TRPM3: variants seen among roughly 807,000 people sequenced by gnomAD.
TRPM3 encodes long transient receptor potential channel 3.
Under a neutral mutation model 181.2 loss-of-function variants are expected in TRPM3, and 77 were observed. The observed-to-expected ratio is 0.42, with a 90% CI of 0.35 to 0.51. The LOEUF is 0.51. Among genes scored for constraint, TRPM3 ranks in the 20% least tolerant of loss-of-function variants. The pLI is 0.01. For synonymous variants in TRPM3, 745 were observed against 796.4 expected (o/e 0.94, Z 1.09); for missense variants, 1,759 against 2,196.7 (o/e 0.80, Z 3.98).
Position 70,913,711 on chromosome 9 carries a change from AT to A in TRPM3, c.178-49201del, listed in dbSNP as rs531675543. Among the ~76,000 whole-genome samples the A allele has an allele frequency of 5.6e-3, 851 of 151,734 alleles. 5 individuals are homozygous for A. Among genetic ancestry groups the A allele is most frequent in the African/African-American group, 0.02 (812 of 41,382 alleles). Reference sequence around the variant, plus strand: ...CAGACTGGACTTGACTAATGGATGAATTTTTTTTTGTCTTAAATCTATATTT... The same window carrying A: ...CAGACTGGACTTGACTAATGGATGAATTTTTTTTGTCTTAAATCTATATTT... On this transcript the variant is annotated intron_variant, in intron 1 of 25. Transcript: ENST00000677713.
intron 5 of TRPM3, among the ~76,000 whole-genome samples, chr9:70,833,006 T>G (rs149027148): frequency 1.5e-3 from 232 of 152,324 alleles, no homozygotes; most frequent in African/African-American, 5.3e-3. Flanking sequence ...CAAAACAGAT[T>G]CATTGAAAGA....
intron 1 of TRPM3, among the ~76,000 whole-genome samples, chr9:70,867,312 A>G (rs1363519150): frequency 1.3e-5 from 2 of 152,096 alleles, no homozygotes; most frequent in African/African-American, 4.8e-5. Flanking sequence ...GAGACTTTTC[A>G]AGGACACCTT....
chr9:71,110,511 G>A (rs2070832218), intron 1 of TRPM3, among the ~76,000 whole-genome samples: 1 of 152,156 alleles, frequency 6.6e-6, no homozygotes, highest in South Asian at 2.1e-4. Context: ...GGCAGTAGAG[G>A]CTGCATGACG....
At chr9:71,173,203 T>C (rs577273275) in intron 1 of TRPM3, among the ~76,000 whole-genome samples, 1 of 152,326 alleles carries the variant, frequency 6.6e-6, no homozygotes. Context: ...CATGAATGTA[T>C]GTTAATGATA....
intron 1 of TRPM3, among the ~76,000 whole-genome samples, chr9:71,012,419 T>TA (rs398046568): frequency 6.6e-6 from 1 of 151,788 alleles, no homozygotes; most frequent in Non-Finnish European, 1.5e-5. Flanking sequence ...TTTTTTTTTT[T>TA]AACATCTGGC....
At chr9:70,744,035 T>C (rs1409860524) in intron 8 of TRPM3, among the ~76,000 whole-genome samples, 3 of 151,906 alleles carry the variant, frequency 2.0e-5, no homozygotes, top group African/African-American at 4.8e-5. Context: ...GCTAGTGGGA[T>C]TGAAAATCAA....
At chr9:71,172,607 T>G (rs1472507883) in intron 1 of TRPM3, among the ~76,000 whole-genome samples, 2 of 152,134 alleles carry the variant, frequency 1.3e-5, no homozygotes, top group African/African-American at 4.8e-5. Flanking sequence ...AGTCTCACTC[T>G]GTTGCCTAGG....
chr9:71,161,370 A>C (rs1312189367), intron 1 of TRPM3, among the ~76,000 whole-genome samples: 2 of 152,138 alleles, frequency 1.3e-5, no homozygotes, highest in Admixed American at 6.6e-5. Flanking sequence ...TTAGAGATCT[A>C]TGACGCCCTG....
intron 1 of TRPM3, among the ~76,000 whole-genome samples, chr9:71,252,215 T>C (rs1215053007): frequency 6.6e-6 from 1 of 152,200 alleles, no homozygotes; most frequent in Non-Finnish European, 1.5e-5. Flanking sequence ...TTTAACTTTT[T>C]TTTTTTAGGT....
chr9:70,629,303 A>T (rs1319116354), intron 12 of TRPM3, among the ~76,000 whole-genome samples: 1 of 137,194 alleles, frequency 7.3e-6, no homozygotes, highest in Non-Finnish European at 1.5e-5. Flanking sequence ...CCTTCCCAGC[A>T]GCATTTTCCT....
intron 1 of TRPM3, among the ~76,000 whole-genome samples, chr9:71,193,630 A>C (rs932393609): frequency 5.9e-5 from 9 of 151,912 alleles, no homozygotes; most frequent in Non-Finnish European, 7.4e-5. Flanking sequence ...ACAAAATCTT[A>C]CTATTACTTC....
chr9:70,672,020 T>G (rs2063054923), intron 9 of TRPM3, among the ~76,000 whole-genome samples: 1 of 151,758 alleles, frequency 6.6e-6, no homozygotes, highest in Non-Finnish European at 1.5e-5. Flanking sequence ...TCTGCCTGCC[T>G]CGGCCTCCCA....
At chr9:71,434,368 A>C (rs1220255553) in intron 1 of TRPM3, among the ~76,000 whole-genome samples, 1 of 152,150 alleles carries the variant, frequency 6.6e-6, no homozygotes, top group Admixed American at 6.6e-5. Context: ...ACAGCAAAAG[A>C]CAGCCACCTA....
chr9:70,817,333 G>A (rs1050664743), intron 6 of TRPM3, among the ~76,000 whole-genome samples: 1 of 152,196 alleles, frequency 6.6e-6, no homozygotes, highest in African/African-American at 2.4e-5. Flanking sequence ...TGGCCAGAAT[G>A]TAGATGTGAC....
intron 22 of TRPM3, among the ~76,000 whole-genome samples, chr9:70,563,052 T>A (rs961660409): frequency 6.6e-6 from 1 of 152,224 alleles, no homozygotes; most frequent in Non-Finnish European, 1.5e-5. Context: ...GTGAATGGAA[T>A]GTTAGCAAAT....
intron 6 of TRPM3, among the ~76,000 whole-genome samples, chr9:70,796,954 T>A (rs2087226919): frequency 6.6e-6 from 1 of 151,782 alleles, no homozygotes; most frequent in Non-Finnish European, 1.5e-5. Context: ...CATAGGGAGA[T>A]CTTGTCTCTA....
chr9:71,225,002 C>T (rs1455981633), intron 1 of TRPM3, among the ~76,000 whole-genome samples: 1 of 151,952 alleles, frequency 6.6e-6, no homozygotes, highest in Non-Finnish European at 1.5e-5. Context: ...AGTTATTGGC[C>T]TTAAAGAGGA....
intron 1 of TRPM3, among the ~76,000 whole-genome samples, chr9:71,181,076 G>GA (rs2077375472): frequency 6.6e-6 from 1 of 152,072 alleles, no homozygotes; most frequent in Non-Finnish European, 1.5e-5. Flanking sequence ...TTCACGAGTT[G>GA]AATTCATTTC....
At chr9:70,980,097 G>T in intron 1 of TRPM3, among the ~76,000 whole-genome samples, 1 of 9,116 alleles carries the variant, frequency 1.1e-4, no homozygotes, top group Non-Finnish European at 2.4e-4. Context: ...ACACACACAC[G>T]GAGTACACTA....
Sources: allele counts gnomAD v4.1 joint callset (sites outside exome capture counted in the v4.1 genomes callset), GRCh38; gene constraint gnomAD v4.1.1; transcripts MANE v1.5; gene names NCBI Gene and HGNC (gene_info 2026-07-23, HGNC 2026-07-21).